Variants in ATF6 observed in about 807,000 individuals in gnomAD.
The protein encoded by ATF6 is cyclic AMP-dependent transcription factor ATF-6 alpha.
ATF6 carries 53 observed loss-of-function variants against 83.6 expected under a neutral mutation model. That is an observed-to-expected ratio of 0.63 (90% CI 0.51 to 0.80). ATF6 has a LOEUF of 0.80. Among genes scored for constraint, ATF6 ranks in the 30% least tolerant of loss-of-function variants. The pLI is 0.00. For missense variants in ATF6, 744 were observed against 797.9 expected (o/e 0.93, Z 0.81); for synonymous variants, 288 against 285.8 (o/e 1.01, Z -0.08).
chr1:161,935,440 G>C (rs1688518177), intron 15 of ATF6, among the ~76,000 whole-genome samples: 1 of 152,120 alleles, frequency 6.6e-6, no homozygotes, highest in Non-Finnish European at 1.5e-5. Flanking sequence ...CTGTGAACCA[G>C]GAAGCAAACC....
chr1:161,824,399 A>G (rs935286836), intron 9 of ATF6, among the ~76,000 whole-genome samples: 4 of 151,456 alleles, frequency 2.6e-5, no homozygotes, highest in African/African-American at 9.7e-5. Context: ...AAAAAAAAAA[A>G]AAAGCTCAAA....
intron 15 of ATF6, among the ~76,000 whole-genome samples, chr1:161,951,878 G>A (rs1688870678): frequency 6.6e-6 from 1 of 152,122 alleles, no homozygotes; most frequent in Admixed American, 6.5e-5. Context: ...CCATTTTGTG[G>A]TGTCTGTTTT....
intron 9 of ATF6, among the ~76,000 whole-genome samples, chr1:161,834,329 A>G (rs556510990): frequency 6.6e-6 from 1 of 152,222 alleles, no homozygotes; most frequent in African/African-American, 2.4e-5. Context: ...ATGCACACGT[A>G]TGTTTATTGC....
rs1358366708 is a variant in ATF6 at position 161,863,245 on chromosome 1, G to T, written c.1652G>T (p.Ser551Ile). 1.2e-6 allele frequency: 2 copies of T among 1,613,216 alleles called. No homozygotes were observed. Among genetic ancestry groups the T allele is most frequent in the East Asian group, 2.2e-5 (1 of 44,824 alleles). Reference protein sequence around the residue: ...ELQVYYASPRSYQDFFEAIRR... With the variant: ...ELQVYYASPRIYQDFFEAIRR... Reference sequence around the variant, plus strand: ...CAAGTGTATTATGCTTCACCCAGAAGTTATCAAGACTTTTTTGAAGCCATC... The same window carrying T: ...CAAGTGTATTATGCTTCACCCAGAATTTATCAAGACTTTTTTGAAGCCATC... Residue 551 changes from serine (S) to isoleucine (I), a missense_variant, in exon 14 of 16, where the codon AGT becomes ATT. Transcript: ENST00000367942.
rs2101819141 is a variant in ATF6 at position 161,846,469 on chromosome 1, G to A, written c.1208G>A (p.Arg403Lys). Residue 403 changes from arginine (R) to lysine (K), a missense_variant, in exon 10 of 16, where the codon AGG becomes AAG. Transcript: ENST00000367942. ...TTCAGCATGTTGGAACAGGATTCCAGGAGAATGAACCCTAGTGTGAGCCCT... is the reference window on the plus strand; with the variant it reads ...TTCAGCATGTTGGAACAGGATTCCAAGAGAATGAACCCTAGTGTGAGCCCT... ...GPMSMLEQDSRRMNPSVSPAN... is the reference protein window; with the variant it reads ...GPMSMLEQDSKRMNPSVSPAN... 3 of 1,603,166 alleles carry A rather than the reference G, an allele frequency of 1.9e-6. No individual in the cohort carries two copies. Among genetic ancestry groups the A allele is most frequent in the Non-Finnish European group, 1.7e-6 (2 of 1,175,592 alleles).
At chr1:161,869,761 A>G (rs1183699703) in intron 14 of ATF6, among the ~76,000 whole-genome samples, 1 of 151,932 alleles carries the variant, frequency 6.6e-6, no homozygotes, top group East Asian at 1.9e-4. Context: ...TTATGCCAAT[A>G]ATGTTCTTTT....
intron 14 of ATF6, among the ~76,000 whole-genome samples, chr1:161,871,830 T>C (rs1180306056): frequency 1.3e-5 from 2 of 148,932 alleles, no homozygotes; most frequent in African/African-American, 4.9e-5. Context: ...TCCAGAAATC[T>C]ATAGTTTTTA....
chr1:161,860,306 G>T, intron 13 of ATF6, 29 bp downstream of exon 13: 1 of 1,465,564 alleles, frequency 6.8e-7, no homozygotes, highest in Non-Finnish European at 9.1e-7. Flanking sequence ...TCTTGGCCAA[G>T]GAATTTAAAA....
chr1:161,861,218 C>T (rs975618166), intron 13 of ATF6, among the ~76,000 whole-genome samples: 3 of 152,156 alleles, frequency 2.0e-5, no homozygotes, highest in Non-Finnish European at 4.4e-5. Context: ...CTCTACCACA[C>T]ATTTGCAGTT....
At chr1:161,896,047 A>C (rs2101874882) in intron 14 of ATF6, among the ~76,000 whole-genome samples, 1 of 152,362 alleles carries the variant, frequency 6.6e-6, no homozygotes, top group Middle Eastern at 3.4e-3. Flanking sequence ...AACACATAGA[A>C]ATAACTGCTC....
chr1:161,932,563 GCTA>G (rs1324112799), intron 15 of ATF6, among the ~76,000 whole-genome samples: 5 of 152,100 alleles, frequency 3.3e-5, no homozygotes, highest in Non-Finnish European at 5.9e-5. Flanking sequence ...TTTTTGATTA[GCTA>G]CTATTAAGAA....
intron 14 of ATF6, among the ~76,000 whole-genome samples, chr1:161,872,996 A>G (rs1249334082): frequency 2.6e-5 from 4 of 151,602 alleles, no homozygotes; most frequent in Non-Finnish European, 5.9e-5. Flanking sequence ...TGCTTGACAG[A>G]TGTTCTAAAG....
intron 9 of ATF6, among the ~76,000 whole-genome samples, chr1:161,837,362 A>C (rs1417505409): frequency 2.0e-5 from 3 of 152,192 alleles, no homozygotes; most frequent in East Asian, 3.8e-4. Flanking sequence ...TTCTTAATTG[A>C]TTTATGACTA....
chr1:161,814,696 A>G (rs1685568467), intron 7 of ATF6, among the ~76,000 whole-genome samples: 1 of 152,206 alleles, frequency 6.6e-6, no homozygotes, highest in Admixed American at 6.5e-5. Flanking sequence ...TGAGAAGAGT[A>G]GAGATAGTGA....
rs550751084 is a variant in ATF6, at chr1:161,836,698, T to A, written c.1188-9751T>A. On this transcript the variant is annotated intron_variant, in intron 9 of 15. Transcript: ENST00000367942. ...TTGAGGGCATGGAAAATTCTGTTGA[T>A]GCTTTTCTCTAGTTTTGGCTTTCAT... 2.6e-5 allele frequency among the ~76,000 whole-genome samples: 4 copies of A among 152,370 alleles called. No homozygotes were observed. In the East Asian group the frequency reaches 7.7e-4, roughly 29 times the overall value.
Position 161,821,231 on chromosome 1 carries a change from G to A in ATF6, c.1187+70G>A, listed in dbSNP as rs1685753555. ...AAATTCTCATTATTCTTTAGCTTTT[G>A]TCATAAACTAGAGAAAAAATGATTT... On this transcript the variant is annotated intron_variant, in intron 9 of 15. Transcript: ENST00000367942. 22 of 1,071,198 alleles carry A rather than the reference G, an allele frequency of 2.1e-5. No individual in the cohort carries two copies. In the South Asian group the frequency reaches 2.2e-4, roughly 11 times the overall value. The allele number at this position is 1,071,198 out of a possible 1,614,324, so 66.4% of individuals were successfully genotyped here.
chr1:161,946,647 T>G (rs1373866306), intron 15 of ATF6, among the ~76,000 whole-genome samples: 4 of 152,208 alleles, frequency 2.6e-5, no homozygotes, highest in African/African-American at 9.7e-5. Context: ...AGTTTTTGGT[T>G]TTCAGCAGTG....
intron 7 of ATF6, among the ~76,000 whole-genome samples, chr1:161,810,543 C>T (rs1685431202): frequency 6.6e-6 from 1 of 152,060 alleles, no homozygotes; most frequent in South Asian, 2.1e-4. Flanking sequence ...TCACCTCATC[C>T]CTCATATAGT....
chr1:161,775,798 A>G (rs762863422), intron 1 of ATF6, among the ~76,000 whole-genome samples: 2 of 152,102 alleles, frequency 1.3e-5, no homozygotes, highest in Non-Finnish European at 2.9e-5. Flanking sequence ...GGTATTTAGT[A>G]TCCAAGATCT....
Sources: allele counts gnomAD v4.1 joint callset (sites outside exome capture counted in the v4.1 genomes callset), GRCh38; gene constraint gnomAD v4.1.1; transcripts MANE v1.5; gene names NCBI Gene and HGNC (gene_info 2026-07-23, HGNC 2026-07-21).